The following UBAP2 variants were observed in gnomAD, a reference collection of about 807,000 sequenced individuals.
UBAP2 encodes ubiquitin associated protein 2, also known as ubiquitin-associated protein 2.
UBAP2 carries 75 observed loss-of-function variants against 139.6 expected under a neutral mutation model. The ratio of observed to expected loss-of-function variants is 0.54; its 90% CI spans 0.45 to 0.65. The LOEUF (loss-of-function observed/expected upper bound fraction) is 0.65. Among genes scored for constraint, UBAP2 ranks in the 30% least tolerant of loss-of-function variants. The pLI is 0.00. For synonymous variants in UBAP2, 526 were observed against 526.2 expected, an observed-to-expected ratio of 1.00 and a Z score of 0.01; for missense variants, 1,368 against 1,369.6, an observed-to-expected ratio of 1.00 and a Z score of 0.02.
At chr9:34,027,717 C>T (rs903698109) in intron 1 of UBAP2, among the ~76,000 whole-genome samples, 4 of 151,508 alleles carry the variant, frequency 2.6e-5, no homozygotes, top group Admixed American at 6.6e-5. Flanking sequence ...AAAAATTAGC[C>T]GGGGGTGGTG....
intron 2 of UBAP2, among the ~76,000 whole-genome samples, chr9:34,009,042 ACT>A (rs1823505975): frequency 6.6e-6 from 1 of 150,574 alleles, no homozygotes. Flanking sequence ...GTTCTTTGCA[ACT>A]TTTTTACAAC....
intron 1 of UBAP2, among the ~76,000 whole-genome samples, chr9:34,040,666 C>T (rs1352047651): frequency 2.6e-5 from 4 of 152,152 alleles, no homozygotes; most frequent in Admixed American, 2.0e-4. Context: ...TAGAACATCC[C>T]ACTACAATTG....
intron 2 of UBAP2, among the ~76,000 whole-genome samples, chr9:34,008,232 T>C (rs1045111955): frequency 2.9e-4 from 43 of 150,166 alleles, no homozygotes; most frequent in African/African-American, 1.1e-3. Context: ...ACAGGAAAAC[T>C]GCTTGAACCC....
chr9:34,035,514 A>ATATATATATATATATATATATAT (rs1554692767), intron 1 of UBAP2, among the ~76,000 whole-genome samples: 3 of 22,490 alleles, frequency 1.3e-4, no homozygotes, highest in Admixed American at 6.9e-4. Context: ...AAAAAAAAAA[A>ATATATATATATATATATATATAT]ATATATATAT....
intron 16 of UBAP2, among the ~76,000 whole-genome samples, chr9:33,937,540 G>T (rs1824663050): frequency 6.8e-6 from 1 of 146,514 alleles, no homozygotes; most frequent in Admixed American, 7.0e-5. Context: ...CTGGGAGGAA[G>T]AGGTAGCAGT....
At chr9:34,015,639 T>G (rs1338410242) in intron 2 of UBAP2, among the ~76,000 whole-genome samples, 1 of 152,060 alleles carries the variant, frequency 6.6e-6, no homozygotes, top group Non-Finnish European at 1.5e-5. Flanking sequence ...AAGTGGATCT[T>G]GATCATTAAA....
intron 6 of UBAP2, among the ~76,000 whole-genome samples, chr9:33,980,626 T>C (rs901102499): frequency 1.3e-5 from 2 of 152,186 alleles, no homozygotes; most frequent in East Asian, 3.9e-4. Flanking sequence ...TATATTGATA[T>C]CTTTTTCTGC....
At chr9:33,991,207 A>G (rs1821682942) in intron 4 of UBAP2, among the ~76,000 whole-genome samples, 1 of 152,076 alleles carries the variant, frequency 6.6e-6, no homozygotes, top group South Asian at 2.1e-4. Flanking sequence ...AATCAATTGA[A>G]CCTAGAAGGC....
chr9:33,972,737 G>C (rs1230630199), intron 7 of UBAP2, among the ~76,000 whole-genome samples: 1 of 152,160 alleles, frequency 6.6e-6, no homozygotes, highest in Non-Finnish European at 1.5e-5. Flanking sequence ...CAGGAAAAAG[G>C]TATCACTCAT....
chr9:33,980,368 G>A (rs1333649961), intron 6 of UBAP2, among the ~76,000 whole-genome samples: 2 of 149,098 alleles, frequency 1.3e-5, no homozygotes, highest in African/African-American at 2.5e-5. Flanking sequence ...GAGTAGCTGG[G>A]ACTACAGGCG....
intron 7 of UBAP2, among the ~76,000 whole-genome samples, chr9:33,972,102 G>A (rs1827959591): frequency 1.3e-5 from 2 of 152,152 alleles, no homozygotes; most frequent in Non-Finnish European, 2.9e-5. Context: ...GCATAAATAG[G>A]CAACAGGTAT....
chr9:33,956,947 G>A (rs1158889744), intron 10 of UBAP2, among the ~76,000 whole-genome samples: 1 of 151,432 alleles, frequency 6.6e-6, no homozygotes, highest in Non-Finnish European at 1.5e-5. Context: ...AAAAAAATTG[G>A]CTGGTCGTGG....
rs556932450 is a variant in UBAP2, at chr9:33,922,599, T to A, written c.3265A>T (p.Ser1089Cys). ...LHHHLPQDAQ[S>C]GSGQRSQPSS... ...GGCTGGCTGCGCTGACCCGAGCCAC[T>A]CTGAGGAAGAGGAGAAGGGAAGGCT... The change falls in exon 29 of 29, where the codon AGT (serine) becomes TGT (cysteine). Residue 1089 changes from serine to cysteine, a missense_variant and splice_region_variant. Ser to Cys is a moderately radical substitution (Grantham distance 112, BLOSUM62 -1). Transcript: ENST00000379238. 52 of 1,612,912 alleles carry A rather than the reference T, an allele frequency of 3.2e-5. 1 individual carries two copies. In the South Asian group the frequency reaches 5.5e-4, roughly 17 times the overall value.
At chr9:34,037,393 C>T (rs988595588) in intron 1 of UBAP2, among the ~76,000 whole-genome samples, 13 of 152,170 alleles carry the variant, frequency 8.5e-5, no homozygotes, top group Admixed American at 7.9e-4. Flanking sequence ...CCTTGGTCTC[C>T]CAAAGAGCTG....
intron 16 of UBAP2, among the ~76,000 whole-genome samples, chr9:33,940,237 T>G (rs1380001639): frequency 1.3e-5 from 2 of 152,114 alleles, no homozygotes; most frequent in Non-Finnish European, 1.5e-5. Flanking sequence ...ACTGGAAGCA[T>G]ATCTATACTT....
chr9:33,964,817 T>C (rs1456880280), intron 8 of UBAP2, among the ~76,000 whole-genome samples: 1 of 152,220 alleles, frequency 6.6e-6, no homozygotes, highest in Non-Finnish European at 1.5e-5. Flanking sequence ...ATTCCACTTT[T>C]ATAAAAATCT....
At chr9:34,007,250 T>C (rs1823298027) in intron 2 of UBAP2, among the ~76,000 whole-genome samples, 1 of 152,108 alleles carries the variant, frequency 6.6e-6, no homozygotes, top group Non-Finnish European at 1.5e-5. Context: ...TCCCAACACT[T>C]TGGGAGGCTG....
chr9:33,996,354 T>C, intron 3 of UBAP2, 21 bp from the exon 4 acceptor site: 1 of 1,578,008 alleles, frequency 6.3e-7, no homozygotes, highest in Non-Finnish European at 8.7e-7. Flanking sequence ...TATCAGAAAA[T>C]GGTTAGAGGC....
At chr9:33,996,369 A>G (rs1164685673) in intron 3 of UBAP2, 36 bp from the exon 4 acceptor site, 1 of 1,405,482 alleles carries the variant, frequency 7.1e-7, no homozygotes, top group Non-Finnish European at 1.0e-6. Flanking sequence ...AGAGGCAAAC[A>G]AAAAACTGGC....
Sources: gnomAD v4.1 joint callset for allele counts (sites outside exome capture counted in the v4.1 genomes callset) on GRCh38, gnomAD v4.1.1 for gene constraint, MANE v1.5 for transcripts, NCBI Gene and HGNC (gene_info 2026-07-23, HGNC 2026-07-21) for gene names.